Variants in INPP5A observed in about 807,000 individuals in gnomAD.
INPP5A encodes inositol polyphosphate-5-phosphatase A.
Under a neutral mutation model 65.2 loss-of-function variants are expected in INPP5A, and 14 were observed. The ratio of observed to expected loss-of-function variants is 0.21; its 90% CI spans 0.14 to 0.34. INPP5A has a LOEUF of 0.34. Among genes scored for constraint, INPP5A ranks in the 10% least tolerant of loss-of-function variants. The pLI, the probability that INPP5A is intolerant of heterozygous loss-of-function variation, is 1.00. For synonymous variants in INPP5A, 207 were observed against 208.3 expected (o/e 0.99, Z 0.05); for missense variants, 431 against 545.6 (o/e 0.79, Z 2.09).
intron 1 of INPP5A, among the ~76,000 whole-genome samples, chr10:132,597,895 A>G (rs755905271): frequency 4.8e-5 from 7 of 144,808 alleles, no homozygotes; most frequent in Non-Finnish European, 1.0e-4. Context: ...GGGCTGTGCT[A>G]TGCGTAGTGA....
chr10:132,779,647 C>T (rs1390241573), intron 13 of INPP5A, among the ~76,000 whole-genome samples: 1 of 152,260 alleles, frequency 6.6e-6, no homozygotes, highest in Admixed American at 6.5e-5. Context: ...CGGCCTTTGA[C>T]AGCCCCTGCC....
chr10:132,625,716 CA>C, intron 2 of INPP5A, among the ~76,000 whole-genome samples: 1 of 152,228 alleles, frequency 6.6e-6, no homozygotes, highest in East Asian at 1.9e-4. Flanking sequence ...TGGCTGAGGT[CA>C]GGGGCGTGCC....
At chr10:132,623,504 T>A (rs1368354462) in intron 2 of INPP5A, among the ~76,000 whole-genome samples, 1 of 151,954 alleles carries the variant, frequency 6.6e-6, no homozygotes, top group Non-Finnish European at 1.5e-5. Flanking sequence ...TCAAAATGGA[T>A]CTTAGAGCTA....
At chr10:132,595,685 C>G (rs1000564127) in intron 1 of INPP5A, among the ~76,000 whole-genome samples, 2 of 152,160 alleles carry the variant, frequency 1.3e-5, no homozygotes, top group Non-Finnish European at 2.9e-5. Flanking sequence ...GTTTTTGATT[C>G]CTCCCTCTTC....
chr10:132,678,672 G>C lies in INPP5A; in HGVS notation c.307-11720G>C, dbSNP rs1238028528. ...TGGGCATTGTGGTGGAGGACTCAGAGGCGCCCAGGCCACATGCCTGCCCTC... is the reference window on the plus strand; with the variant it reads ...TGGGCATTGTGGTGGAGGACTCAGACGCGCCCAGGCCACATGCCTGCCCTC... On this transcript the variant is annotated intron_variant, in intron 4 of 15. Coordinates refer to ENST00000368594, the MANE Select transcript of INPP5A (RefSeq NM_005539.5). The surrounding 1 kb of genome is among the most constrained non-coding windows in gnomAD (Gnocchi z 4.1). Among the ~76,000 whole-genome samples, 1 of 152,170 alleles carries C rather than the reference G, an allele frequency of 6.6e-6. No homozygotes were observed. Among genetic ancestry groups the C allele is most frequent in the Non-Finnish European group, 1.5e-5 (1 of 68,024 alleles).
intron 4 of INPP5A, among the ~76,000 whole-genome samples, chr10:132,683,578 C>G (rs1041922210): frequency 1.1e-4 from 17 of 152,220 alleles, no homozygotes; most frequent in African/African-American, 3.9e-4. Context: ...TACCCATGTA[C>G]CTGGATGCTT....
At chr10:132,717,235 G>C (rs908675622) in intron 8 of INPP5A, among the ~76,000 whole-genome samples, 1 of 152,202 alleles carries the variant, frequency 6.6e-6, no homozygotes, top group African/African-American at 2.4e-5. Flanking sequence ...TCTTGCATCA[G>C]GGCCCCGCCT....
Position 132,741,449 on chromosome 10 carries a change from T to C in INPP5A, c.733-8068T>C, listed in dbSNP as rs927912633. 6.6e-6 allele frequency among the ~76,000 whole-genome samples: 1 copy of C among 152,120 alleles called. No homozygotes were observed. The highest frequency in any genetic ancestry group is 1.5e-5 in the Non-Finnish European group (1 of 68,020). On this transcript the variant is annotated intron_variant, in intron 9 of 15. Coordinates refer to ENST00000368594, the MANE Select transcript of INPP5A (RefSeq NM_005539.5). This position sits in a 1 kb window ranked among gnomAD's most constrained non-coding sequence, Gnocchi z 4.4. ...GCATCTGTGCCAGGAAAGTTAGAGCTTCCTCATCCTTGGAACCCCAGCCTG... is the reference window on the plus strand; with the variant it reads ...GCATCTGTGCCAGGAAAGTTAGAGCCTCCTCATCCTTGGAACCCCAGCCTG...
At position 132,603,430 on chromosome 10, in the gene INPP5A, C is replaced by A. The variant is rs899136167; in HGVS notation, c.76-4485C>A. On this transcript the variant is annotated intron_variant, in intron 1 of 15. Coordinates refer to ENST00000368594, the MANE Select transcript of INPP5A (RefSeq NM_005539.5). This position sits in a 1 kb window ranked among gnomAD's most constrained non-coding sequence, Gnocchi z 4.2. ...CACGTGGAATAAACGTCATCCCAGTCTGCAGAGCTCCAGCAAGGAGGACAG... is the reference window on the plus strand; with the variant it reads ...CACGTGGAATAAACGTCATCCCAGTATGCAGAGCTCCAGCAAGGAGGACAG... 6.6e-6 allele frequency among the ~76,000 whole-genome samples: 1 copy of A among 152,220 alleles called. No homozygotes were observed. Among genetic ancestry groups the A allele is most frequent in the African/African-American group, 2.4e-5 (1 of 41,454 alleles).
intron 1 of INPP5A, among the ~76,000 whole-genome samples, chr10:132,558,739 C>A (rs111363224): frequency 6.6e-6 from 1 of 152,240 alleles, no homozygotes; most frequent in African/African-American, 2.4e-5. Flanking sequence ...ATGCAGTTGA[C>A]CAGCTTCTTG....
At chr10:132,677,145 G>A (rs986841989) in intron 4 of INPP5A, among the ~76,000 whole-genome samples, 1 of 151,960 alleles carries the variant, frequency 6.6e-6, no homozygotes, top group African/African-American at 2.4e-5. Context: ...CCTAGGTTCA[G>A]TCACCTTTGA....
In INPP5A at chr10:132,547,356, C is replaced by T. The variant is rs1194694601; in HGVS notation, c.75+9185C>T. ...GGGGCTCTCTCCATCCTCTTCCTGG[C>T]GTCAGGTGTTCTCGGCGGCCTCTCG... On this transcript the variant is annotated intron_variant, in intron 1 of 15. Coordinates refer to ENST00000368594, the MANE Select transcript of INPP5A (RefSeq NM_005539.5). This position sits in a 1 kb window ranked among gnomAD's most constrained non-coding sequence, Gnocchi z 5.5. Among the ~76,000 whole-genome samples the T allele has an allele frequency of 3.3e-5, 5 of 152,172 alleles. No individual in the cohort carries two copies. Among genetic ancestry groups the T allele is most frequent in the Admixed American group, 6.5e-5 (1 of 15,288 alleles).
intron 2 of INPP5A, among the ~76,000 whole-genome samples, chr10:132,623,430 A>G (rs994174151): frequency 2.0e-5 from 3 of 152,154 alleles, no homozygotes; most frequent in Non-Finnish European, 4.4e-5. Flanking sequence ...GTGCAGGAAC[A>G]ATAGGACATC....
chr10:132,552,676 T>C (rs1447069630), intron 1 of INPP5A, among the ~76,000 whole-genome samples: 13 of 139,346 alleles, frequency 9.3e-5, no homozygotes, highest in South Asian at 2.4e-4. Context: ...TTGAGTAGGA[T>C]AGGGAGGGAG....
chr10:132,616,558 TAGTG>T lies in INPP5A; in HGVS notation c.117+8603_117+8606del, dbSNP rs1468010142. 2.0e-5 allele frequency among the ~76,000 whole-genome samples: 3 copies of T among 151,714 alleles called. No homozygotes were observed. The highest frequency in any genetic ancestry group is 1.3e-4 in the Admixed American group (2 of 15,230). ...TGGTGTATGGGACGTGGTGGTGACA[TAGTG>T]TGTGTTGGTGATAGGGGATGGGGTG... On this transcript the variant is annotated intron_variant, in intron 2 of 15. Coordinates refer to ENST00000368594, the MANE Select transcript of INPP5A (RefSeq NM_005539.5). The surrounding 1 kb of genome is among the most constrained non-coding windows in gnomAD (Gnocchi z 4.9).
chr10:132,617,494 C>A (rs2072054752), intron 2 of INPP5A, among the ~76,000 whole-genome samples: 1 of 152,210 alleles, frequency 6.6e-6, no homozygotes, highest in Admixed American at 6.5e-5. Flanking sequence ...GGGAAGGTCT[C>A]CTGTGAGCCA....
intron 12 of INPP5A, among the ~76,000 whole-genome samples, chr10:132,774,491 C>T (rs919224075): frequency 2.6e-5 from 4 of 152,206 alleles, no homozygotes; most frequent in Non-Finnish European, 5.9e-5. Context: ...CGTGAACTGT[C>T]GCCGTTCACT....
At position 132,550,890 on chromosome 10, in the gene INPP5A, C is replaced by A. The variant is rs1445586256; in HGVS notation, c.75+12719C>A. 6.6e-6 allele frequency among the ~76,000 whole-genome samples: 1 copy of A among 152,214 alleles called. No individual in the cohort carries two copies. Among genetic ancestry groups the A allele is most frequent in the Non-Finnish European group, 1.5e-5 (1 of 68,032 alleles). On this transcript the variant is annotated intron_variant, in intron 1 of 15. Transcript: ENST00000368594. The surrounding 1 kb of genome is among the most constrained non-coding windows in gnomAD (Gnocchi z 4.2). ...ACCAACTGGCCCCTATGGCGTTTGGCCTTCAGGGTGGTCATTGGGTGCGTG... is the reference window on the plus strand; with the variant it reads ...ACCAACTGGCCCCTATGGCGTTTGGACTTCAGGGTGGTCATTGGGTGCGTG...
chr10:132,565,615 ATGTG>A (rs2071262685), intron 1 of INPP5A, among the ~76,000 whole-genome samples: 1 of 151,982 alleles, frequency 6.6e-6, no homozygotes, highest in Non-Finnish European at 1.5e-5. Flanking sequence ...CTGTGTGTGC[ATGTG>A]TGTATGTGTG....
Sources: allele counts gnomAD v4.1 joint callset (sites outside exome capture counted in the v4.1 genomes callset), GRCh38; gene constraint gnomAD v4.1.1; non-coding constraint Gnocchi (gnomAD v3.1); transcripts MANE v1.5; gene names NCBI Gene and HGNC (gene_info 2026-07-23, HGNC 2026-07-21).